LPXN: variants seen among roughly 807,000 people sequenced by gnomAD.
LPXN encodes the protein leupaxin.
LPXN carries 28 observed loss-of-function variants against 45.6 expected under a neutral mutation model. The observed-to-expected ratio is 0.61, with a 90% CI of 0.45 to 0.84. The LOEUF is 0.84. Among genes scored for constraint, LPXN ranks in the 40% least tolerant of loss-of-function variants. The pLI, the probability that LPXN is intolerant of heterozygous loss-of-function variation, is 0.00. For synonymous variants in LPXN, 166 were observed against 169.9 expected (o/e 0.98, Z 0.18); for missense variants, 459 against 475.0 (o/e 0.97, Z 0.31).
chr11:58,540,274 C>A (rs1293202918), intron 7 of LPXN, among the ~76,000 whole-genome samples: 2 of 151,972 alleles, frequency 1.3e-5, no homozygotes, highest in East Asian at 3.8e-4. Flanking sequence ...TATAAAAAAG[C>A]AGCAAAGAGA....
At position 58,570,721 on chromosome 11, in the gene LPXN, A is replaced by G. The variant is rs1854669070; in HGVS notation, c.14-8T>C. The G allele has an allele frequency of 4.4e-6, 7 of 1,594,482 alleles. No homozygotes were observed. Among genetic ancestry groups the G allele is most frequent in the Non-Finnish European group, 5.1e-6 (6 of 1,167,760 alleles). On this transcript the variant is annotated splice_polypyrimidine_tract_variant and splice_region_variant and intron_variant, in intron 1 of 8. Coordinates refer to ENST00000395074, the MANE Select transcript of LPXN (RefSeq NM_004811.3). ...GTTCCTCCAATAAGGCATCTACACC[A>G]TAAGAAGCAAGAGAATCATGACAGA...
intron 1 of LPXN, among the ~76,000 whole-genome samples, chr11:58,573,402 GC>G (rs1323888846): frequency 6.6e-6 from 1 of 152,128 alleles, no homozygotes; most frequent in Non-Finnish European, 1.5e-5. Flanking sequence ...TTATGCTAGA[GC>G]CCCTTTCTTT....
intron 1 of LPXN, 52 bp from the exon 2 acceptor site, chr11:58,570,765 A>G (rs776992802): frequency 1.4e-6 from 2 of 1,399,796 alleles, no homozygotes; most frequent in Non-Finnish European, 2.0e-6. Flanking sequence ...AAATCCCTAC[A>G]GTCATTTTCT....
At chr11:58,534,410 C>A (rs1229222689) in intron 7 of LPXN, among the ~76,000 whole-genome samples, 1 of 152,118 alleles carries the variant, frequency 6.6e-6, no homozygotes, top group African/African-American at 2.4e-5. Flanking sequence ...TGAAAACCTG[C>A]TCCTGAACGA....
chr11:58,566,540 A>G (rs2134342162), intron 2 of LPXN, among the ~76,000 whole-genome samples: 1 of 152,360 alleles, frequency 6.6e-6, no homozygotes, highest in Non-Finnish European at 1.5e-5. Flanking sequence ...TTGGTAGAGA[A>G]TAAAAATTTA....
intron 4 of LPXN, among the ~76,000 whole-genome samples, chr11:58,551,810 AAG>A (rs1258668302): frequency 1.3e-5 from 2 of 152,240 alleles, no homozygotes; most frequent in Admixed American, 6.5e-5. Context: ...GTAATAATCA[AAG>A]AAGGCCCCTC....
chr11:58,530,694 G>A (rs562305859), intron 7 of LPXN, among the ~76,000 whole-genome samples: 16 of 152,304 alleles, frequency 1.1e-4, no homozygotes, highest in African/African-American at 3.8e-4. Context: ...CACAGGGTTC[G>A]AGCTCTGCTA....
At chr11:58,535,799 G>A (rs1008654705) in intron 7 of LPXN, among the ~76,000 whole-genome samples, 16 of 152,334 alleles carry the variant, frequency 1.1e-4, no homozygotes, top group Admixed American at 7.8e-4. Context: ...ATCTCCTAAA[G>A]CTGATAAGCA....
chr11:58,572,699 A>G (rs1272828422), intron 1 of LPXN, among the ~76,000 whole-genome samples: 1 of 152,146 alleles, frequency 6.6e-6, no homozygotes, highest in Non-Finnish European at 1.5e-5. Flanking sequence ...TGTTATGGCA[A>G]TGGCATTACA....
At chr11:58,574,536 T>G (rs568156242) in intron 1 of LPXN, among the ~76,000 whole-genome samples, 4 of 152,190 alleles carry the variant, frequency 2.6e-5, no homozygotes, top group African/African-American at 4.8e-5. Flanking sequence ...TTGAATTATT[T>G]GCCATGAAAG....
chr11:58,545,229 G>T (rs556021739), intron 7 of LPXN, among the ~76,000 whole-genome samples: 166 of 152,242 alleles, frequency 1.1e-3, no homozygotes, highest in Middle Eastern at 3.4e-3. Flanking sequence ...CTGTTTAGAA[G>T]GGGCCTGAGT....
At chr11:58,540,612 T>C (rs188782787) in intron 7 of LPXN, among the ~76,000 whole-genome samples, 275 of 152,336 alleles carry the variant, frequency 1.8e-3, no homozygotes, top group Non-Finnish European at 3.4e-3. Flanking sequence ...AAAACACTTA[T>C]ACTTACTGAA....
chr11:58,527,343 T>G lies in LPXN; in HGVS notation c.*111A>C. 8.8e-7 allele frequency: 1 copy of G among 1,136,710 alleles called. No homozygotes were observed. Among genetic ancestry groups the G allele is most frequent in the Non-Finnish European group, 1.3e-6 (1 of 791,068 alleles). 70.4% of individuals were successfully genotyped at this position (1,136,710 alleles called of 1,614,324 possible). A position where few individuals can be genotyped will look rare whatever the true frequency, so the allele number is the denominator to read the frequency against. ...CCTTTATTTGCTCATCACCTTTCCTTTTTCTATAAGACTATTAAGCAGAAG... is the reference window on the plus strand; with the variant it reads ...CCTTTATTTGCTCATCACCTTTCCTGTTTCTATAAGACTATTAAGCAGAAG... On this transcript the variant is annotated 3_prime_UTR_variant, in exon 9 of 9. Transcript: ENST00000395074.
intron 3 of LPXN, among the ~76,000 whole-genome samples, chr11:58,559,109 TA>T (rs1316070686): frequency 6.6e-6 from 1 of 152,068 alleles, no homozygotes; most frequent in Non-Finnish European, 1.5e-5. Flanking sequence ...TCAACCTCAT[TA>T]ATCTTTAAAT....
At chr11:58,548,440 T>G (rs1590549362) in intron 7 of LPXN, among the ~76,000 whole-genome samples, 1 of 150,336 alleles carries the variant, frequency 6.7e-6, no homozygotes, top group Admixed American at 6.6e-5. Flanking sequence ...TGGAGGGATA[T>G]CTCCAGAAAA....
At chr11:58,527,761 G>T in intron 8 of LPXN, 38 bp from the exon 9 acceptor site, 3 of 1,589,298 alleles carry the variant, frequency 1.9e-6, no homozygotes, top group Non-Finnish European at 2.6e-6. Flanking sequence ...GAATGCAAAT[G>T]TCAAGAGGTA....
intron 5 of LPXN, among the ~76,000 whole-genome samples, chr11:58,550,590 G>A (rs1044649698): frequency 1.3e-5 from 2 of 152,034 alleles, no homozygotes; most frequent in Non-Finnish European, 1.5e-5. Context: ...TCATAGCTTC[G>A]GTGAAGGACG....
intron 7 of LPXN, among the ~76,000 whole-genome samples, chr11:58,537,762 ATATTT>A (rs753044818): frequency 4.9e-4 from 75 of 152,088 alleles, no homozygotes; most frequent in Non-Finnish European, 3.8e-4. Context: ...CTACAAAGAA[ATATTT>A]TATTTTATTT....
intron 1 of LPXN, among the ~76,000 whole-genome samples, chr11:58,574,515 T>C (rs1357435034): frequency 6.6e-6 from 1 of 152,164 alleles, no homozygotes; most frequent in East Asian, 1.9e-4. Flanking sequence ...TAAATAAGTA[T>C]TAGTTTCCTT....
Sources: gnomAD v4.1 joint callset for allele counts (sites outside exome capture counted in the v4.1 genomes callset) on GRCh38, gnomAD v4.1.1 for gene constraint, MANE v1.5 for transcripts, NCBI Gene and HGNC (gene_info 2026-07-23, HGNC 2026-07-21) for gene names.